CNTNAP4: variants seen among roughly 807,000 people sequenced by gnomAD.
CNTNAP4 encodes contactin associated protein family member 4.
CNTNAP4 carries 98 observed loss-of-function variants against 148.4 expected under a neutral mutation model. The ratio of observed to expected loss-of-function variants is 0.66; its 90% CI spans 0.56 to 0.78. The LOEUF is 0.78. Ranked by LOEUF, CNTNAP4 falls within the 30% of genes least tolerant of loss-of-function variation. The pLI is 0.00. For synonymous variants in CNTNAP4, 730 were observed against 565.1 expected, an observed-to-expected ratio of 1.29 and a Z score of -4.14; for missense variants, 1,935 against 1,565.6, an observed-to-expected ratio of 1.24 and a Z score of -3.98.
In CNTNAP4 at chr16:76,293,485, T is replaced by G. The variant is rs1305665640; in HGVS notation, c.85+15738T>G. On this transcript the variant is annotated intron_variant, in intron 1 of 23. Transcript: ENST00000611870. The stretch of plus-strand genomic sequence containing the variant: ...ATGAGCTGTTTTCTAGTTTTCTTCC[T>G]ATCTACCTGTCTATTTACTTGTGTA... 1.3e-5 allele frequency among the ~76,000 whole-genome samples: 2 copies of G among 152,338 alleles called. 1 individual carries two copies. Among genetic ancestry groups the G allele is most frequent in the Non-Finnish European group, 2.9e-5 (2 of 68,036 alleles).
chr16:76,357,845 A>G (rs1416646909), intron 3 of CNTNAP4, among the ~76,000 whole-genome samples: 1 of 152,168 alleles, frequency 6.6e-6, no homozygotes, highest in Non-Finnish European at 1.5e-5. Flanking sequence ...CCCTATAGAT[A>G]TTGAACTTCT....
chr16:76,448,023 G>A lies in CNTNAP4; in HGVS notation c.550G>A (p.Val184Ile), dbSNP rs991705522. Reference sequence around the variant, plus strand: ...ATCTTTGTTTCTAGGATCAGAAGTGGTTGATCTTGATGGAAAAAGTTCCCT... The same window carrying A: ...ATCTTTGTTTCTAGGATCAGAAGTGATTGATCTTGATGGAAAAAGTTCCCT... Reference protein sequence around the residue: ...VFGCAYRSEVVDLDGKSSLLY... With the variant: ...VFGCAYRSEVIDLDGKSSLLY... The change falls in exon 5 of 24, where the codon GTT becomes ATT. Residue 184 changes from valine to isoleucine, a missense_variant. Physicochemically the swap from Val to Ile is conservative, Grantham distance 29. Transcript: ENST00000611870. 6.2e-7 allele frequency: 1 copy of A among 1,612,314 alleles called. No homozygotes were observed. The highest frequency in any genetic ancestry group is 8.5e-7 in the Non-Finnish European group (1 of 1,178,502).
intron 3 of CNTNAP4, among the ~76,000 whole-genome samples, chr16:76,419,831 A>G (rs985930972): frequency 1.8e-4 from 28 of 152,044 alleles, no homozygotes; most frequent in African/African-American, 6.0e-4. Context: ...GCAGATGGCT[A>G]TCTCTCTGCT....
At chr16:76,448,482 T>C (rs916225765) in intron 5 of CNTNAP4, among the ~76,000 whole-genome samples, 1 of 151,982 alleles carries the variant, frequency 6.6e-6, no homozygotes, top group Non-Finnish European at 1.5e-5. Flanking sequence ...CATTGAAAAA[T>C]GTTGAGGTAG....
intron 12 of CNTNAP4, among the ~76,000 whole-genome samples, chr16:76,484,868 A>C (rs1274614533): frequency 6.6e-6 from 1 of 152,232 alleles, no homozygotes; most frequent in Non-Finnish European, 1.5e-5. Context: ...CAACATGCAA[A>C]TATGTGTCTT....
At position 76,311,967 on chromosome 16, in the gene CNTNAP4, C is replaced by T. The variant is rs74024989; in HGVS notation, c.86-4446C>T. Among the ~76,000 whole-genome samples, 586 of 152,238 alleles carry T rather than the reference C, an allele frequency of 3.8e-3. 5 individuals are homozygous for T. Among genetic ancestry groups the T allele is most frequent in the African/African-American group, 0.013 (554 of 41,556 alleles). On this transcript the variant is annotated intron_variant, in intron 1 of 23. Transcript: ENST00000611870. ...ATGTTATTTCCAATTTGAAAAGCCC[C>T]CTACTTAAATGCCTGTATACTCACG...
intron 2 of CNTNAP4, among the ~76,000 whole-genome samples, chr16:76,333,261 A>C (rs1963700609): frequency 6.6e-6 from 1 of 152,108 alleles, no homozygotes; most frequent in African/African-American, 2.4e-5. Flanking sequence ...TTAATCTTAT[A>C]GCCATGATGT....
rs1389764861 is a variant in CNTNAP4 at position 76,277,621 on chromosome 16, G to A, written c.-42G>A. 7.0e-7 allele frequency: 1 copy of A among 1,421,792 alleles called. No individual in the cohort carries two copies. Among genetic ancestry groups the A allele is most frequent in the Non-Finnish European group, 9.8e-7 (1 of 1,021,646 alleles). 88.1% of individuals were successfully genotyped at this position (1,421,792 alleles called of 1,614,324 possible). A position where few individuals can be genotyped will look rare whatever the true frequency, so the allele number is the denominator to read the frequency against. On this transcript the variant is annotated 5_prime_UTR_variant, in exon 1 of 24. Transcript: ENST00000611870. The stretch of plus-strand genomic sequence containing the variant: ...TGAGAAGAGGACTGGAGCGCTCTGA[G>A]AGCCTCTCAAGATCTTTTGGGGGAG...
intron 17 of CNTNAP4, among the ~76,000 whole-genome samples, chr16:76,524,457 T>G (rs1397062360): frequency 6.6e-6 from 1 of 152,174 alleles, no homozygotes; most frequent in Non-Finnish European, 1.5e-5. Context: ...AGTCCTCAAA[T>G]TTTTCAGTGA....
intron 3 of CNTNAP4, among the ~76,000 whole-genome samples, chr16:76,404,089 T>C (rs2078515184): frequency 6.6e-6 from 1 of 152,038 alleles, no homozygotes; most frequent in Admixed American, 6.6e-5. Flanking sequence ...AATTAACTAT[T>C]GGGTACCAGG....
chr16:76,496,998 T>C (rs2082422260), intron 14 of CNTNAP4, among the ~76,000 whole-genome samples: 1 of 152,118 alleles, frequency 6.6e-6, no homozygotes, highest in Non-Finnish European at 1.5e-5. Flanking sequence ...GAACCAAAGG[T>C]AAATTTTAGA....
intron 14 of CNTNAP4, among the ~76,000 whole-genome samples, chr16:76,496,576 C>T (rs1234374459): frequency 6.6e-6 from 1 of 152,022 alleles, no homozygotes; most frequent in African/African-American, 2.4e-5. Context: ...AAGACAATAT[C>T]CCAGATATAG....
intron 3 of CNTNAP4, among the ~76,000 whole-genome samples, chr16:76,388,024 C>T (rs1023211268): frequency 6.6e-6 from 1 of 152,114 alleles, no homozygotes; most frequent in African/African-American, 2.4e-5. Context: ...GGGTGCTTGC[C>T]AGTCTATTTT....
chr16:76,317,092 C>T (rs1961838878), intron 2 of CNTNAP4, among the ~76,000 whole-genome samples: 1 of 141,066 alleles, frequency 7.1e-6, no homozygotes, highest in Non-Finnish European at 1.5e-5. Context: ...ACAGCAAGAC[C>T]TTGTCTCTAC....
intron 1 of CNTNAP4, among the ~76,000 whole-genome samples, chr16:76,297,697 C>T (rs974410464): frequency 6.6e-6 from 1 of 152,124 alleles, no homozygotes; most frequent in African/African-American, 2.4e-5. Flanking sequence ...TAGATAGATA[C>T]ACAATCCTTC....
rs370342932 is a variant in CNTNAP4, at chr16:76,558,647, T to A, written c.3891T>A (p.Asn1297Lys). 6.2e-7 allele frequency: 1 copy of A among 1,610,896 alleles called. No individual in the cohort carries two copies. The highest frequency in any genetic ancestry group is 1.3e-5 in the African/African-American group (1 of 74,832). Reference protein sequence around the residue: ...AVLKSELNIQNAVNENQKEYF... With the variant: ...AVLKSELNIQKAVNENQKEYF... ...TGAAAAGTGAGCTTAATATACAAAATGCAGTCAATGAAAATCAGAAAGAGT... is the reference window on the plus strand; with the variant it reads ...TGAAAAGTGAGCTTAATATACAAAAAGCAGTCAATGAAAATCAGAAAGAGT... Residue 1297 changes from asparagine to lysine, a missense_variant, in exon 24 of 24, where the codon AAT becomes AAA. Asn to Lys is a moderately conservative substitution (Grantham distance 94). Coordinates refer to ENST00000611870, the MANE Select transcript of CNTNAP4 (RefSeq NM_033401.5).
At chr16:76,475,824 C>T (rs1476731851) in intron 10 of CNTNAP4, 115 bp from the exon 11 acceptor site, 2 of 659,914 alleles carry the variant, frequency 3.0e-6, no homozygotes, top group Non-Finnish European at 5.4e-6. Flanking sequence ...ACTGAAGCAT[C>T]ATTAGTCATT....
chr16:76,355,840 TTTTA>T (rs138725617), intron 3 of CNTNAP4, among the ~76,000 whole-genome samples: 13,241 of 141,618 alleles, frequency 0.093, 677 homozygotes, highest in African/African-American at 0.13. Context: ...TTGCATTGTC[TTTTA>T]TTTATTTATT....
intron 13 of CNTNAP4, among the ~76,000 whole-genome samples, chr16:76,492,792 C>T (rs1597723025): frequency 6.6e-6 from 1 of 152,102 alleles, no homozygotes; most frequent in East Asian, 1.9e-4. Flanking sequence ...TTGAGGCCTC[C>T]CCAGCCATGT....
Sources: allele counts gnomAD v4.1 joint callset (sites outside exome capture counted in the v4.1 genomes callset), GRCh38; gene constraint gnomAD v4.1.1; transcripts MANE v1.5; gene names NCBI Gene and HGNC (gene_info 2026-07-23, HGNC 2026-07-21).